The following MAGI1 variants were observed in gnomAD, a reference collection of about 807,000 sequenced individuals.
The protein encoded by MAGI1 is membrane associated guanylate kinase, WW and PDZ domain containing 1.
Under a neutral mutation model 139.9 loss-of-function variants are expected in MAGI1, and 58 were observed. The observed-to-expected ratio is 0.41, with a 90% CI of 0.34 to 0.52. The LOEUF (loss-of-function observed/expected upper bound fraction) is 0.52. Among genes scored for constraint, MAGI1 ranks in the 20% least tolerant of loss-of-function variants. The probability of loss-of-function intolerance (pLI) is 0.12; values close to 1 mark genes in which losing one functional copy is unlikely to be tolerated. For missense variants in MAGI1, 1,874 were observed against 1,901.6 expected (o/e 0.99, Z 0.27); for synonymous variants, 812 against 737.9 (o/e 1.10, Z -1.63).
At position 65,627,405 on chromosome 3, in the gene MAGI1, C is replaced by A. The variant is rs755312114; in HGVS notation, c.314-5317G>T. Among the ~76,000 whole-genome samples, 19 of 141,196 alleles carry A rather than the reference C, an allele frequency of 1.3e-4. No individual in the cohort carries two copies. The South Asian group carries it at 4.7e-3, about 35-fold the overall frequency. 92.6% of individuals were successfully genotyped at this position (141,196 alleles called of 152,430 possible). A position where few individuals can be genotyped will look rare whatever the true frequency, so the allele number is the denominator to read the frequency against. On this transcript the variant is annotated intron_variant, in intron 1 of 22. Transcript: ENST00000402939. ...CCAAGAAAGGGGTTCAGAGTTTATT[C>A]TAAGACAATTTTATATTTTAACTGA...
chr3:65,791,759 T>A (rs1188197269), intron 1 of MAGI1, among the ~76,000 whole-genome samples: 5 of 152,182 alleles, frequency 3.3e-5, no homozygotes, highest in Non-Finnish European at 1.5e-5. Flanking sequence ...TGCCAAATTT[T>A]CTACGTTGAA....
intron 1 of MAGI1, among the ~76,000 whole-genome samples, chr3:65,795,920 G>A (rs918741515): frequency 1.3e-5 from 2 of 151,762 alleles, no homozygotes. Flanking sequence ...GTGTGGTAGT[G>A]CACACCTGTA....
chr3:65,609,285 GT>G (rs112624177), intron 2 of MAGI1, among the ~76,000 whole-genome samples: 6 of 146,330 alleles, frequency 4.1e-5, no homozygotes, highest in Admixed American at 2.7e-4. Context: ...TCTTTTTTTT[GT>G]TTTTTTTTTG....
chr3:66,001,231 T>C (rs759118902), intron 1 of MAGI1, among the ~76,000 whole-genome samples: 8 of 152,184 alleles, frequency 5.3e-5, no homozygotes, highest in South Asian at 2.1e-4. Context: ...TAGGATGGAA[T>C]AGGTGAAGGG....
intron 1 of MAGI1, among the ~76,000 whole-genome samples, chr3:66,026,884 G>C (rs1331832126): frequency 6.6e-6 from 1 of 151,856 alleles, no homozygotes; most frequent in Non-Finnish European, 1.5e-5. Flanking sequence ...GCCAGCCTAA[G>C]ACCGGTGTCT....
intron 1 of MAGI1, among the ~76,000 whole-genome samples, chr3:65,635,635 G>C (rs965874115): frequency 2.0e-5 from 3 of 152,170 alleles, no homozygotes; most frequent in African/African-American, 7.2e-5. Flanking sequence ...AGGGTTTTAG[G>C]AATCTGCTGA....
chr3:65,885,397 CAA>C (rs200832799), intron 1 of MAGI1, among the ~76,000 whole-genome samples: 3 of 127,756 alleles, frequency 2.3e-5, no homozygotes, highest in African/African-American at 2.8e-5. Flanking sequence ...AACTCTGTCT[CAA>C]AAAAAAAAAA....
intron 16 of MAGI1, among the ~76,000 whole-genome samples, chr3:65,381,237 G>A (rs1943026970): frequency 6.6e-6 from 1 of 152,178 alleles, no homozygotes; most frequent in South Asian, 2.1e-4. Context: ...GAATGGCAAG[G>A]AGGGAATGCT....
intron 2 of MAGI1, among the ~76,000 whole-genome samples, chr3:65,506,019 G>T (rs1300139864): frequency 6.6e-6 from 1 of 152,128 alleles, no homozygotes; most frequent in Admixed American, 6.6e-5. Flanking sequence ...AACTTAAAGA[G>T]TGAAATCAGC....
At chr3:65,365,541 T>C (rs1184150410) in intron 18 of MAGI1, among the ~76,000 whole-genome samples, 1 of 152,228 alleles carries the variant, frequency 6.6e-6, no homozygotes, top group African/African-American at 2.4e-5. Flanking sequence ...TGAAAAGTCC[T>C]ATAGTAATAG....
At chr3:65,891,927 TATATATATA>T (rs1262785244) in intron 1 of MAGI1, among the ~76,000 whole-genome samples, 5 of 109,804 alleles carry the variant, frequency 4.6e-5, no homozygotes, top group African/African-American at 1.7e-4. Flanking sequence ...TATATATATA[TATATATATA>T]TATATACCCG....
chr3:66,008,758 T>G (rs1305839960), intron 1 of MAGI1: 2 of 152,178 alleles, frequency 1.3e-5, no homozygotes, highest in African/African-American at 2.4e-5. Context: ...AAAGACCCCA[T>G]GGCATACCAC....
intron 1 of MAGI1, among the ~76,000 whole-genome samples, chr3:65,631,303 G>A (rs1163248145): frequency 2.6e-5 from 4 of 152,166 alleles, no homozygotes; most frequent in South Asian, 2.1e-4. Flanking sequence ...AGATCTATTA[G>A]GTATCTTTTA....
At chr3:65,357,524 G>A (rs73832825) in intron 22 of MAGI1, among the ~76,000 whole-genome samples, 5 of 51,382 alleles carry the variant, frequency 9.7e-5, no homozygotes, top group East Asian at 1.0e-3. Flanking sequence ...GTGCCCACCC[G>A]TCTCCCACAC....
chr3:65,922,558 G>A (rs1268111049), intron 1 of MAGI1, among the ~76,000 whole-genome samples: 1 of 152,106 alleles, frequency 6.6e-6, no homozygotes, highest in Non-Finnish European at 1.5e-5. Context: ...GAAGGCAAAG[G>A]ATCTATAGAT....
At chr3:65,675,399 AT>A (rs2087125115) in intron 1 of MAGI1, among the ~76,000 whole-genome samples, 1 of 152,178 alleles carries the variant, frequency 6.6e-6, no homozygotes, top group Non-Finnish European at 1.5e-5. Flanking sequence ...CAAAGTATAA[AT>A]GGTGATTTAA....
At chr3:65,461,286 G>A (rs1007219292) in intron 5 of MAGI1, among the ~76,000 whole-genome samples, 1 of 151,848 alleles carries the variant, frequency 6.6e-6, no homozygotes, top group South Asian at 2.1e-4. Context: ...CACGATCTCG[G>A]CTCACTGCAA....
chr3:65,692,645 C>T (rs1454007271), intron 1 of MAGI1, among the ~76,000 whole-genome samples: 1 of 152,136 alleles, frequency 6.6e-6, no homozygotes, highest in Non-Finnish European at 1.5e-5. Flanking sequence ...TCCCACAGTG[C>T]AACTGTGTTG....
chr3:65,865,735 G>A (rs1429899144), intron 1 of MAGI1, among the ~76,000 whole-genome samples: 1 of 152,220 alleles, frequency 6.6e-6, no homozygotes, highest in African/African-American at 2.4e-5. Context: ...CCACCTCCCA[G>A]GTTCAAACGA....
Sources: allele counts gnomAD v4.1 joint callset (sites outside exome capture counted in the v4.1 genomes callset), GRCh38; gene constraint gnomAD v4.1.1; transcripts MANE v1.5; gene names NCBI Gene and HGNC (gene_info 2026-07-23, HGNC 2026-07-21).